Variants in PTPRD observed in about 807,000 individuals in gnomAD.
The protein encoded by PTPRD is receptor-type tyrosine-protein phosphatase delta.
PTPRD carries 34 observed loss-of-function variants against 214.5 expected under a neutral mutation model. That is an observed-to-expected ratio of 0.16 (90% confidence interval 0.12 to 0.21). The LOEUF (loss-of-function observed/expected upper bound fraction) is 0.21. Ranked by LOEUF, PTPRD falls within the 10% of genes least tolerant of loss-of-function variation. PTPRD has a pLI of 1.00. For missense variants in PTPRD, 2,545 were observed against 2,398.7 expected, an observed-to-expected ratio of 1.06 and a Z score of -1.27; for synonymous variants, 1,128 against 845.7, an observed-to-expected ratio of 1.33 and a Z score of -5.79.
At chr9:8,723,142 G>A (rs976489297) in intron 12 of PTPRD, among the ~76,000 whole-genome samples, 1 of 152,084 alleles carries the variant, frequency 6.6e-6, no homozygotes, top group Non-Finnish European at 1.5e-5. Flanking sequence ...AGGGCCCCAT[G>A]ATGTGTCTCC....
intron 9 of PTPRD, among the ~76,000 whole-genome samples, chr9:9,361,957 C>T (rs2056325077): frequency 6.6e-6 from 1 of 150,960 alleles, no homozygotes; most frequent in Non-Finnish European, 1.5e-5. Context: ...GGATATTTAC[C>T]ATAATAATTC....
intron 8 of PTPRD, among the ~76,000 whole-genome samples, chr9:9,464,685 C>T (rs1052198329): frequency 1.6e-4 from 24 of 152,082 alleles, no homozygotes; most frequent in South Asian, 4.2e-4. Context: ...ATTTCCACCC[C>T]GGGAATCACA....
chr9:9,939,484 A>G lies in PTPRD; in HGVS notation c.-471-874T>C, dbSNP rs182462558. Among the ~76,000 whole-genome samples the G allele has an allele frequency of 4.6e-5, 7 of 152,306 alleles. No individual in the cohort carries two copies. In the East Asian group the frequency reaches 1.4e-3, roughly 29 times the overall value. On this transcript the variant is annotated intron_variant, in intron 4 of 45. Transcript: ENST00000381196. ...CTGAATTCATGATGAAGATCCTGCA[A>G]TTTGGTGACCTCCTTTTTGATGCTC...
chr9:8,770,354 A>AG (rs1052577817), intron 11 of PTPRD, among the ~76,000 whole-genome samples: 14 of 152,034 alleles, frequency 9.2e-5, no homozygotes, highest in Non-Finnish European at 1.9e-4. Context: ...AAAAAAAAAA[A>AG]CACGATCCAC....
intron 5 of PTPRD, among the ~76,000 whole-genome samples, chr9:9,821,905 T>G (rs2153575545): frequency 6.7e-6 from 1 of 149,770 alleles, no homozygotes; most frequent in East Asian, 1.9e-4. Flanking sequence ...AATACTTTCC[T>G]TGATTTATGA....
intron 12 of PTPRD, among the ~76,000 whole-genome samples, chr9:8,702,353 T>C (rs959566970): frequency 1.3e-5 from 2 of 152,200 alleles, no homozygotes; most frequent in African/African-American, 4.8e-5. Context: ...CTGTGGTCTT[T>C]TTTTTATACT....
chr9:8,757,368 CG>C (rs2094077818), intron 11 of PTPRD, among the ~76,000 whole-genome samples: 2 of 151,950 alleles, frequency 1.3e-5, no homozygotes, highest in South Asian at 4.1e-4. Flanking sequence ...GAGTAAAAAG[CG>C]TATCAATAAT....
intron 11 of PTPRD, among the ~76,000 whole-genome samples, chr9:8,910,751 T>C (rs1306548046): frequency 6.6e-6 from 1 of 152,172 alleles, no homozygotes; most frequent in African/African-American, 2.4e-5. Flanking sequence ...AGAAAACAAA[T>C]TTATCAAGAT....
intron 3 of PTPRD, among the ~76,000 whole-genome samples, chr9:10,035,856 G>C (rs749758202): frequency 3.3e-5 from 5 of 151,962 alleles, no homozygotes; most frequent in African/African-American, 2.4e-5. Context: ...AGATAAGTGA[G>C]TAAATACCAG....
At chr9:8,980,443 A>G (rs949217038) in intron 11 of PTPRD, among the ~76,000 whole-genome samples, 1 of 152,146 alleles carries the variant, frequency 6.6e-6, no homozygotes, top group Non-Finnish European at 1.5e-5. Context: ...CTGCTTCACT[A>G]TAGTAACATT....
intron 3 of PTPRD, among the ~76,000 whole-genome samples, chr9:10,118,124 A>G (rs1679493591): frequency 6.6e-6 from 1 of 151,932 alleles, no homozygotes; most frequent in Admixed American, 6.6e-5. Flanking sequence ...TGAGGTTTGC[A>G]ATGGCCATGA....
chr9:9,555,294 T>A (rs1304917829), intron 8 of PTPRD, among the ~76,000 whole-genome samples: 1 of 152,082 alleles, frequency 6.6e-6, no homozygotes, highest in Non-Finnish European at 1.5e-5. Context: ...ATTGTTTACC[T>A]ATATAAACCT....
At chr9:9,608,899 A>AACT (rs2094348792) in intron 7 of PTPRD, among the ~76,000 whole-genome samples, 2 of 152,030 alleles carry the variant, frequency 1.3e-5, no homozygotes, top group Admixed American at 1.3e-4. Flanking sequence ...CCAACACTTC[A>AACT]TTTATTGTTT....
At chr9:8,651,052 T>C (rs1008081768) in intron 12 of PTPRD, among the ~76,000 whole-genome samples, 1 of 152,170 alleles carries the variant, frequency 6.6e-6, no homozygotes, top group African/African-American at 2.4e-5. Context: ...ATTGAGCACA[T>C]GTAGCAAGAA....
chr9:9,194,375 A>G (rs2099937017), intron 9 of PTPRD, among the ~76,000 whole-genome samples: 1 of 152,170 alleles, frequency 6.6e-6, no homozygotes, highest in Non-Finnish European at 1.5e-5. Flanking sequence ...GTCGTTTATT[A>G]TCACTATCAA....
intron 10 of PTPRD, among the ~76,000 whole-genome samples, chr9:9,022,253 C>T (rs570110627): frequency 3.3e-5 from 5 of 152,138 alleles, no homozygotes; most frequent in Admixed American, 3.3e-4. Context: ...CCTACGTGTG[C>T]AGGGTTTATA....
chr9:10,388,701 G>T (rs1463698549), intron 2 of PTPRD, among the ~76,000 whole-genome samples: 1 of 151,836 alleles, frequency 6.6e-6, no homozygotes, highest in Non-Finnish European at 1.5e-5. Context: ...TTTGAGTCCT[G>T]CCTATTGATC....
At chr9:8,655,739 CTT>C (rs150786854) in intron 12 of PTPRD, among the ~76,000 whole-genome samples, 17 of 143,102 alleles carry the variant, frequency 1.2e-4, no homozygotes, top group South Asian at 2.2e-4. Flanking sequence ...TTCCCACTTG[CTT>C]TTTTTTTTTT....
chr9:9,068,865 C>T (rs2099739578), intron 10 of PTPRD, among the ~76,000 whole-genome samples: 1 of 152,146 alleles, frequency 6.6e-6, no homozygotes, highest in Non-Finnish European at 1.5e-5. Flanking sequence ...CCTCCTTGAC[C>T]CCCCAAAGTA....
Sources: gnomAD v4.1 joint callset for allele counts (sites outside exome capture counted in the v4.1 genomes callset) on GRCh38, gnomAD v4.1.1 for gene constraint, MANE v1.5 for transcripts, NCBI Gene and HGNC (gene_info 2026-07-23, HGNC 2026-07-21) for gene names.